The following RGS5 variants were observed in gnomAD, a reference collection of about 807,000 sequenced individuals.
The protein encoded by RGS5 is regulator of G protein signaling 5, also known as regulator of G-protein signalling 5.
A neutral mutation model predicts 18.9 loss-of-function variants in RGS5; 20 were observed. That is an observed-to-expected ratio of 1.06 (90% confidence interval 0.74 to 1.54). RGS5 has a LOEUF of 1.54. Ranked by LOEUF, RGS5 falls within the 40% of genes most tolerant of loss-of-function variation. The pLI, the probability that RGS5 is intolerant of heterozygous loss-of-function variation, is 0.00. For missense variants in RGS5, 201 were observed against 211.8 expected (o/e 0.95, Z 0.32); for synonymous variants, 57 against 76.2 (o/e 0.75, Z 1.31).
chr1:163,268,537 G>C (rs1648630813), intron 2 of RGS5, among the ~76,000 whole-genome samples: 1 of 151,898 alleles, frequency 6.6e-6, no homozygotes, highest in Non-Finnish European at 1.5e-5. Context: ...TATGTGCCTT[G>C]GATATTTAAA....
chr1:163,292,760 T>G (rs1649321767), intron 2 of RGS5, among the ~76,000 whole-genome samples: 1 of 152,250 alleles, frequency 6.6e-6, no homozygotes, highest in South Asian at 2.1e-4. Flanking sequence ...GGCATTTCTC[T>G]AATGATCAGT....
intron 1 of RGS5, chr1:163,211,584 AT>A (rs1375284552): frequency 1.3e-5 from 2 of 152,072 alleles, no homozygotes; most frequent in Non-Finnish European, 2.9e-5. Flanking sequence ...TTTTGATAGA[AT>A]TTTCTCTGGG....
chr1:163,165,814 G>A (rs1231841140), intron 2 of RGS5, among the ~76,000 whole-genome samples: 3 of 152,142 alleles, frequency 2.0e-5, no homozygotes, highest in Admixed American at 6.5e-5. Context: ...GCTGAGGCAG[G>A]AGAATCGCTT....
chr1:163,163,044 G>GGC (rs1657876898), intron 2 of RGS5, among the ~76,000 whole-genome samples: 1 of 150,916 alleles, frequency 6.6e-6, no homozygotes, highest in African/African-American at 2.4e-5. Flanking sequence ...TATTTCGGGG[G>GGC]GGGGGGTGGT....
chr1:163,270,607 T>A (rs907506505), intron 2 of RGS5, among the ~76,000 whole-genome samples: 2 of 152,124 alleles, frequency 1.3e-5, no homozygotes, highest in East Asian at 1.9e-4. Flanking sequence ...AAAATGAATT[T>A]ACCTGTTGAG....
At chr1:163,224,498 T>A (rs948802009) in intron 2 of RGS5, among the ~76,000 whole-genome samples, 5 of 152,234 alleles carry the variant, frequency 3.3e-5, no homozygotes, top group African/African-American at 1.2e-4. Flanking sequence ...TTACAAATAG[T>A]GCTGTAATAA....
chr1:163,221,781 T>A (rs1304573868), upstream of RGS5, among the ~76,000 whole-genome samples: 2 of 152,202 alleles, frequency 1.3e-5, no homozygotes, highest in Admixed American at 1.3e-4. Flanking sequence ...AAGTTTATAA[T>A]CTACAGTCAT....
At chr1:163,233,100 T>A (rs12123799) in intron 2 of RGS5, among the ~76,000 whole-genome samples, 7,495 of 152,294 alleles carry the variant, frequency 0.049, 223 homozygotes, top group South Asian at 0.093. Flanking sequence ...ATTTTTAGAA[T>A]TTCCTTTAAT....
chr1:163,277,374 A>C lies in RGS5; in HGVS notation c.-281+28859T>G, dbSNP rs557176166. 1.4e-4 allele frequency among the ~76,000 whole-genome samples: 21 copies of C among 152,312 alleles called. No individual in the cohort carries two copies. In the South Asian group the frequency reaches 3.7e-3, roughly 27 times the overall value. ...AGGACCTCCTGAAGGCTGTGTCACA[A>C]GTGCATCCTTAACCTTGCCAAAATA... On this transcript the variant is annotated intron_variant, in intron 2 of 5. Coordinates refer to the RGS5 transcript ENST00000618415.
At chr1:163,181,718 T>G (rs532051054) in intron 1 of RGS5, among the ~76,000 whole-genome samples, 1 of 152,208 alleles carries the variant, frequency 6.6e-6, no homozygotes, top group South Asian at 2.1e-4. Flanking sequence ...CTTGTCTTAC[T>G]TCCTTGGTCT....
chr1:163,206,397 G>A (rs1341709500), upstream of RGS5, among the ~76,000 whole-genome samples: 1 of 151,928 alleles, frequency 6.6e-6, no homozygotes, highest in East Asian at 1.9e-4. Flanking sequence ...ATGAAAAAAA[G>A]AGGACTCTCA....
At chr1:163,155,533 T>A (rs954866181) in intron 3 of RGS5, among the ~76,000 whole-genome samples, 1 of 151,970 alleles carries the variant, frequency 6.6e-6, no homozygotes, top group Non-Finnish European at 1.5e-5. Context: ...CTCTAGAGGG[T>A]CCCTCTAAAG....
intron 2 of RGS5, among the ~76,000 whole-genome samples, chr1:163,257,163 G>T (rs564842763): frequency 2.0e-5 from 3 of 152,242 alleles, no homozygotes; most frequent in Admixed American, 6.5e-5. Flanking sequence ...GACAACTAAA[G>T]AAGTAGTTAT....
intron 1 of RGS5, among the ~76,000 whole-genome samples, chr1:163,180,055 C>A (rs1190024778): frequency 6.6e-6 from 1 of 152,184 alleles, no homozygotes; most frequent in Non-Finnish European, 1.5e-5. Flanking sequence ...CAGGGTCTCA[C>A]TCTGTCACCC....
chr1:163,179,764 A>C (rs1404325665), intron 1 of RGS5, among the ~76,000 whole-genome samples: 1 of 152,228 alleles, frequency 6.6e-6, no homozygotes, highest in Non-Finnish European at 1.5e-5. Context: ...TAAAAAATTA[A>C]GATTTCAAGA....
intron 2 of RGS5, among the ~76,000 whole-genome samples, chr1:163,259,159 A>G (rs1571324325): frequency 6.7e-6 from 1 of 149,442 alleles, no homozygotes; most frequent in African/African-American, 2.5e-5. Context: ...CAGTCTTAGT[A>G]TTTTTTTTTT....
At chr1:163,197,348 C>CT (rs2101655519) in intron 1 of RGS5, among the ~76,000 whole-genome samples, 1 of 152,236 alleles carries the variant, frequency 6.6e-6, no homozygotes, top group East Asian at 1.9e-4. Flanking sequence ...TCCTCTTAGA[C>CT]TTTCTTCAAG....
At chr1:163,310,361 C>T (rs543540040) in intron 1 of RGS5, among the ~76,000 whole-genome samples, 5 of 152,124 alleles carry the variant, frequency 3.3e-5, no homozygotes, top group South Asian at 2.1e-4. Context: ...CCGAAGCGGG[C>T]GGATCACGAG....
chr1:163,186,667 T>C (rs1339627509), intron 1 of RGS5, among the ~76,000 whole-genome samples: 1 of 151,072 alleles, frequency 6.6e-6, no homozygotes, highest in Non-Finnish European at 1.5e-5. Flanking sequence ...TAAGTAAAAG[T>C]TCATCTGATA....
Sources: gnomAD v4.1 joint callset for allele counts (sites outside exome capture counted in the v4.1 genomes callset) on GRCh38, gnomAD v4.1.1 for gene constraint, MANE v1.5 for transcripts, NCBI Gene and HGNC (gene_info 2026-07-23, HGNC 2026-07-21) for gene names.